OLFM3: variants seen among roughly 807,000 people sequenced by gnomAD.
OLFM3 encodes the protein noelin-3.
Under a neutral mutation model 48.6 loss-of-function variants are expected in OLFM3, and 20 were observed. The ratio of observed to expected loss-of-function variants is 0.41; its 90% CI spans 0.29 to 0.60. The LOEUF (loss-of-function observed/expected upper bound fraction) is 0.60, where lower values mean the gene tolerates loss of function less well. Among genes scored for constraint, OLFM3 ranks in the 20% least tolerant of loss-of-function variants. The pLI is 0.28. For synonymous variants in OLFM3, 222 were observed against 198.1 expected (o/e 1.12, Z -1.01); for missense variants, 437 against 544.3 (o/e 0.80, Z 1.96).
intron 2 of OLFM3, among the ~76,000 whole-genome samples, chr1:101,836,131 A>G (rs1026378156): frequency 1.3e-5 from 2 of 152,168 alleles, no homozygotes; most frequent in African/African-American, 4.8e-5. Context: ...TCCTAATGAC[A>G]TTTAGAATCC....
chr1:101,862,046 G>T (rs114952933), intron 1 of OLFM3, among the ~76,000 whole-genome samples: 4 of 152,318 alleles, frequency 2.6e-5, no homozygotes, highest in Non-Finnish European at 4.4e-5. Flanking sequence ...CTAAAAATGA[G>T]CAATGCTCAA....
At chr1:101,837,523 A>G (rs1655486242) in intron 1 of OLFM3, 1 of 152,198 alleles carries the variant, frequency 6.6e-6, no homozygotes, top group Non-Finnish European at 1.5e-5. Flanking sequence ...TGGAAAAGAG[A>G]TCATTGACGA....
At position 101,804,166 on chromosome 1, in the gene OLFM3, A is replaced by C. The variant is rs1469487683; in HGVS notation, c.*72T>G. 1.7e-6 allele frequency: 2 copies of C among 1,199,212 alleles called. No individual in the cohort carries two copies. Among genetic ancestry groups the C allele is most frequent in the Non-Finnish European group, 2.3e-6 (2 of 879,060 alleles). 74.3% of individuals were successfully genotyped at this position (1,199,212 alleles called of 1,614,324 possible). On this transcript the variant is annotated 3_prime_UTR_variant, in exon 6 of 6. Transcript: ENST00000370103. This position sits in a 1 kb window ranked among gnomAD's most constrained non-coding sequence, Gnocchi z 4.5. ...ATGATGAAAAATAATAGTGAAGAAA[A>C]AAACGGAAGGGGTCTTATAGAGTTT...
chr1:101,810,387 A>C (rs910151744), intron 4 of OLFM3, among the ~76,000 whole-genome samples: 4 of 152,010 alleles, frequency 2.6e-5, no homozygotes, highest in African/African-American at 9.7e-5. Context: ...ATAGCCCTAA[A>C]ATTAAACTGT....
At chr1:101,897,966 T>G (rs1658260051) in intron 1 of OLFM3, among the ~76,000 whole-genome samples, 2 of 152,250 alleles carry the variant, frequency 1.3e-5, no homozygotes, top group South Asian at 2.1e-4. Context: ...ATGTTTTGAC[T>G]GAGGATTGAC....
intron 1 of OLFM3, among the ~76,000 whole-genome samples, chr1:101,929,407 G>T (rs909222530): frequency 2.0e-5 from 3 of 151,974 alleles, no homozygotes; most frequent in African/African-American, 4.8e-5. Context: ...TTACAGTCTT[G>T]TACACTTGAA....
intron 3 of OLFM3, among the ~76,000 whole-genome samples, chr1:101,827,632 GAAAT>G: frequency 6.6e-6 from 1 of 152,192 alleles, no homozygotes; most frequent in South Asian, 2.1e-4. Flanking sequence ...TAGGACTCAA[GAAAT>G]AAATAAACTC....
At chr1:101,911,483 A>G (rs1251619266) in intron 1 of OLFM3, among the ~76,000 whole-genome samples, 1 of 152,194 alleles carries the variant, frequency 6.6e-6, no homozygotes, top group African/African-American at 2.4e-5. Flanking sequence ...GATTGTGATG[A>G]CATGGCTACC....
At chr1:101,943,259 T>C (rs897698021) in intron 1 of OLFM3, among the ~76,000 whole-genome samples, 1 of 152,216 alleles carries the variant, frequency 6.6e-6, no homozygotes, top group Non-Finnish European at 1.5e-5. Flanking sequence ...GATGAGGGTT[T>C]CTTGAAAAAG....
chr1:101,825,266 T>C (rs1425413138), intron 3 of OLFM3, 21 bp from the exon 4 acceptor site: 26 of 1,590,614 alleles, frequency 1.6e-5, no homozygotes, highest in East Asian at 4.5e-5. Flanking sequence ...CAGCCTATTG[T>C]TCCTGAGAGT....
intron 1 of OLFM3, among the ~76,000 whole-genome samples, chr1:101,962,859 A>G (rs915021410): frequency 7.2e-5 from 11 of 152,162 alleles, no homozygotes; most frequent in African/African-American, 2.7e-4. Flanking sequence ...AGGGTGGTGT[A>G]TAGAGAGGAG....
chr1:101,872,437 A>G (rs764349334), intron 1 of OLFM3, among the ~76,000 whole-genome samples: 14 of 151,986 alleles, frequency 9.2e-5, no homozygotes, highest in Non-Finnish European at 1.6e-4. Flanking sequence ...GATAGGAGAA[A>G]ATTAAGAGAT....
intron 1 of OLFM3, among the ~76,000 whole-genome samples, chr1:101,884,959 A>G (rs751141897): frequency 2.1e-4 from 32 of 151,936 alleles, no homozygotes; most frequent in Non-Finnish European, 3.7e-4. Context: ...TACACATGTT[A>G]CTCTATGGGA....
At chr1:101,887,655 G>T (rs1657816052) in intron 1 of OLFM3, among the ~76,000 whole-genome samples, 1 of 151,806 alleles carries the variant, frequency 6.6e-6, no homozygotes, top group South Asian at 2.1e-4. Context: ...TAATCATCTT[G>T]GAAAATACTT....
intron 1 of OLFM3, among the ~76,000 whole-genome samples, chr1:101,991,150 T>C (rs1435543588): frequency 6.7e-6 from 1 of 149,872 alleles, no homozygotes; most frequent in African/African-American, 2.5e-5. Flanking sequence ...ATTGTAGATT[T>C]AAACCAGGGT....
intron 1 of OLFM3, among the ~76,000 whole-genome samples, chr1:101,880,760 G>C (rs1296305331): frequency 6.6e-6 from 1 of 151,870 alleles, no homozygotes; most frequent in Non-Finnish European, 1.5e-5. Flanking sequence ...CCTTGGAGGA[G>C]AAAGTAATTT....
chr1:101,865,368 C>G (rs1182054093), intron 1 of OLFM3, among the ~76,000 whole-genome samples: 1 of 152,188 alleles, frequency 6.6e-6, no homozygotes, highest in Non-Finnish European at 1.5e-5. Context: ...AAGGCTAAGC[C>G]TTTTCAATCT....
intron 1 of OLFM3, among the ~76,000 whole-genome samples, chr1:101,853,680 AC>A (rs1424469502): frequency 2.0e-5 from 3 of 152,086 alleles, no homozygotes; most frequent in African/African-American, 7.2e-5. Flanking sequence ...TAAAAAGGAA[AC>A]CATTTTTAGT....
chr1:101,842,845 T>C lies in OLFM3; in HGVS notation c.70-5820A>G, dbSNP rs138186055. ...TCAGGCACTCAAGCTAGAATAAATCTACTCTCTTATTCATGTGAGGATTCT... is the reference window on the plus strand; with the variant it reads ...TCAGGCACTCAAGCTAGAATAAATCCACTCTCTTATTCATGTGAGGATTCT... On this transcript the variant is annotated intron_variant, in intron 1 of 5. Coordinates refer to ENST00000370103, the MANE Select transcript of OLFM3 (RefSeq NM_058170.4). Among the ~76,000 whole-genome samples, 12 of 152,336 alleles carry C rather than the reference T, an allele frequency of 7.9e-5. No individual in the cohort carries two copies. In the East Asian group the frequency reaches 2.3e-3, roughly 29 times the overall value.
Sources: allele counts gnomAD v4.1 joint callset (sites outside exome capture counted in the v4.1 genomes callset), GRCh38; gene constraint gnomAD v4.1.1; non-coding constraint Gnocchi (gnomAD v3.1); transcripts MANE v1.5; gene names NCBI Gene and HGNC (gene_info 2026-07-23, HGNC 2026-07-21).